The following INSR variants were observed in gnomAD, a reference collection of about 807,000 sequenced individuals.
The protein encoded by INSR is IR.
Under a neutral mutation model 142.6 loss-of-function variants are expected in INSR, and 67 were observed. That is an observed-to-expected ratio of 0.47 (90% CI 0.39 to 0.58). INSR has a LOEUF of 0.58. Ranked by LOEUF, INSR falls within the 20% of genes least tolerant of loss-of-function variation. The probability of loss-of-function intolerance (pLI) is 0.00; values close to 1 mark genes in which losing one functional copy is unlikely to be tolerated. For synonymous variants in INSR, 756 were observed against 743.1 expected (o/e 1.02, Z -0.28); for missense variants, 1,248 against 1,833.2 (o/e 0.68, Z 5.83).
At position 7,294,144 on chromosome 19, in the gene INSR, G is replaced by T. The variant is rs988779691; in HGVS notation, c.-253C>A. The T allele has an allele frequency of 1.4e-3, 261 of 187,572 alleles. 1 individual carries two copies. Among genetic ancestry groups the T allele is most frequent in the African/African-American group, 6.0e-3 (253 of 42,382 alleles). The allele number at this position is 187,572 out of a possible 1,614,324, so 11.6% of individuals were successfully genotyped here. ...GTGGCCCCGACCCCCCGGCCGCTGC[G>T]GCCCGGGCCCCGTCCCAGGATCTCG... On this transcript the variant is annotated 5_prime_UTR_variant, in exon 1 of 22. Transcript: ENST00000302850.
chr19:7,194,488 G>A (rs1167777462), intron 2 of INSR, among the ~76,000 whole-genome samples: 1 of 147,478 alleles, frequency 6.8e-6, no homozygotes, highest in Non-Finnish European at 1.5e-5. Flanking sequence ...AGTGTGGAGT[G>A]TGTTTTAATA....
At chr19:7,148,944 G>A (rs1161899016) in intron 11 of INSR, among the ~76,000 whole-genome samples, 4 of 149,996 alleles carry the variant, frequency 2.7e-5, no homozygotes, top group African/African-American at 4.9e-5. Flanking sequence ...ACAGGCGTGT[G>A]TCACCACGCC....
In INSR at chr19:7,129,025, T is replaced by A. The variant is rs1420173591; in HGVS notation, c.2843-71A>T. 3.1e-6 allele frequency: 4 copies of A among 1,269,976 alleles called. No homozygotes were observed. In the East Asian group the frequency reaches 7.0e-5, roughly 22 times the overall value. The allele number at this position is 1,269,976 out of a possible 1,614,324, so 78.7% of individuals were successfully genotyped here. ...AACAAAGTTCACATCAAAAATCACA[T>A]CCACTCCTGGAATGGGTGGGCCACC... On this transcript the variant is annotated intron_variant, in intron 14 of 21. Coordinates refer to ENST00000302850, the MANE Select transcript of INSR (RefSeq NM_000208.4).
At chr19:7,162,052 C>A (rs965378960) in intron 9 of INSR, among the ~76,000 whole-genome samples, 1 of 151,826 alleles carries the variant, frequency 6.6e-6, no homozygotes, top group African/African-American at 2.4e-5. Flanking sequence ...CAGGGCCAGG[C>A]GTGGTGGCTC....
At chr19:7,204,135 C>T (rs948001822) in intron 2 of INSR, among the ~76,000 whole-genome samples, 3 of 151,892 alleles carry the variant, frequency 2.0e-5, no homozygotes, top group Non-Finnish European at 4.4e-5. Context: ...CTCTGCCTCC[C>T]GGGTTCAAGC....
At chr19:7,180,824 T>C (rs993949671) in intron 3 of INSR, among the ~76,000 whole-genome samples, 1 of 152,058 alleles carries the variant, frequency 6.6e-6, no homozygotes, top group East Asian at 1.9e-4. Flanking sequence ...GGCACCGGAA[T>C]GAAATGAGAA....
In INSR at chr19:7,276,288, G is replaced by A. The variant is rs546548120; in HGVS notation, c.101-8392C>T. 2.0e-5 allele frequency among the ~76,000 whole-genome samples: 3 copies of A among 152,046 alleles called. No homozygotes were observed. The East Asian group carries it at 5.8e-4, about 29-fold the overall frequency. Reference sequence around the variant, plus strand: ...AGCCTCCCAAGTAGCTGGGACTACAGCTGCGTACCACCATGCCTGGCTAAT... The same window carrying A: ...AGCCTCCCAAGTAGCTGGGACTACAACTGCGTACCACCATGCCTGGCTAAT... On this transcript the variant is annotated intron_variant, in intron 1 of 21. Transcript: ENST00000302850.
chr19:7,281,585 G>A (rs2145237915), intron 1 of INSR, among the ~76,000 whole-genome samples: 1 of 152,164 alleles, frequency 6.6e-6, no homozygotes, highest in Non-Finnish European at 1.5e-5. Flanking sequence ...GGAGGAGGAA[G>A]CGCGAGAATC....
chr19:7,248,916 C>T (rs543088016), intron 2 of INSR, among the ~76,000 whole-genome samples: 11 of 152,028 alleles, frequency 7.2e-5, no homozygotes, highest in African/African-American at 1.7e-4. Context: ...TGCGCCACCA[C>T]GCCCAGCTAA....
At chr19:7,139,488 T>C (rs982383827) in intron 13 of INSR, among the ~76,000 whole-genome samples, 2 of 152,190 alleles carry the variant, frequency 1.3e-5, no homozygotes, top group African/African-American at 4.8e-5. Flanking sequence ...CCAAAGGCTA[T>C]TGTGGACAGA....
chr19:7,293,888 C>T lies in INSR; in HGVS notation c.4G>A (p.Ala2Thr). 3.3e-6 allele frequency: 4 copies of T among 1,220,592 alleles called. No individual in the cohort carries two copies. Among genetic ancestry groups the T allele is most frequent in the Non-Finnish European group, 4.1e-6 (4 of 985,760 alleles). 75.6% of individuals were successfully genotyped at this position (1,220,592 alleles called of 1,614,324 possible). MATGGRRGAAAA... is the reference protein window; with the variant it reads MTTGGRRGAAAA... Reference sequence around the variant, plus strand: ...GCCGCCCCCCGCCGGCCCCCGGTGGCCATGGCTGCGGGAGCGCGGGGTCTC... The same window carrying T: ...GCCGCCCCCCGCCGGCCCCCGGTGGTCATGGCTGCGGGAGCGCGGGGTCTC... Residue 2 changes from alanine to threonine, a missense_variant, in exon 1 of 22, where the codon GCC (alanine) becomes ACC (threonine). Transcript: ENST00000302850.
chr19:7,142,557 T>A (rs1973096543), intron 12 of INSR, among the ~76,000 whole-genome samples: 1 of 151,814 alleles, frequency 6.6e-6, no homozygotes. Flanking sequence ...TAGCTGGGCG[T>A]GGTGGCAGAC....
rs140781343 is a variant in INSR at position 7,124,735 on chromosome 19, C to T, written c.3258+548G>A. 6.3e-3 allele frequency among the ~76,000 whole-genome samples: 933 copies of T among 147,632 alleles called. 11 individuals are homozygous for T. The highest frequency in any genetic ancestry group is 0.022 in the African/African-American group (882 of 40,008). On this transcript the variant is annotated intron_variant, in intron 17 of 21. Transcript: ENST00000302850. ...ATCCACTGTATCACAGGGACAAGAG[C>T]AGGGCTTTAAATGCCCCATAAATAT...
intron 2 of INSR, among the ~76,000 whole-genome samples, chr19:7,209,491 C>G (rs1029184402): frequency 3.3e-5 from 5 of 152,136 alleles, no homozygotes; most frequent in African/African-American, 1.2e-4. Context: ...TATCACAGCT[C>G]TCTGCAGCCT....
At chr19:7,152,392 AAAG>A in intron 10 of INSR, 1 of 302,884 alleles carries the variant, frequency 3.3e-6, no homozygotes, top group Non-Finnish European at 6.3e-6. Context: ...AAAAAAAAAA[AAAG>A]AGAGAGAGAG....
chr19:7,292,854 A>G (rs1968533046), intron 1 of INSR, among the ~76,000 whole-genome samples: 1 of 152,082 alleles, frequency 6.6e-6, no homozygotes, highest in Non-Finnish European at 1.5e-5. Flanking sequence ...GGCTCACTCA[A>G]GGTCAAAGGC....
intron 1 of INSR, chr19:7,268,748 C>G (rs1967816971): frequency 6.6e-6 from 2 of 304,532 alleles, no homozygotes; most frequent in Non-Finnish European, 9.6e-6. Flanking sequence ...TGTTGTTGTT[C>G]TTCTTGCTGT....
chr19:7,243,248 T>TG (rs1189299830), intron 2 of INSR, among the ~76,000 whole-genome samples: 20 of 133,338 alleles, frequency 1.5e-4, no homozygotes, highest in African/African-American at 4.6e-4. Flanking sequence ...TTTTTTTTTT[T>TG]TTTTTTTTTT....
In INSR at chr19:7,267,861, T is replaced by C. The variant is rs780532714; in HGVS notation, c.136A>G (p.Arg46Gly). ...PGMDIRNNLT[R>G]LHELENCSVI... The stretch of plus-strand genomic sequence containing the variant: ...GAGCAATTCTCCAGCTCATGCAACC[T>C]AGTGAGGTTGTTCCGGATATCCATG... Residue 46 changes from arginine to glycine, a missense_variant, in exon 2 of 22, where the codon AGG becomes GGG. By Grantham distance (125) the Arg-to-Gly change is moderately radical. Around this residue, in one of 3 missense-constraint regions of INSR, gnomAD observed 1,069 missense variants for 1,654.0 expected, o/e 0.65. Transcript: ENST00000302850. This position sits in a 1 kb window ranked among gnomAD's most constrained non-coding sequence, Gnocchi z 6.3. The C allele has an allele frequency of 4.3e-6, 7 of 1,613,994 alleles. No homozygotes were observed. Among genetic ancestry groups the C allele is most frequent in the Non-Finnish European group, 5.1e-6 (6 of 1,179,996 alleles).
Sources: gnomAD v4.1 joint callset for allele counts (sites outside exome capture counted in the v4.1 genomes callset) on GRCh38, gnomAD v4.1.1 for gene constraint, gnomAD v4.1.1 regional missense constraint, Gnocchi (gnomAD v3.1) non-coding constraint, MANE v1.5 for transcripts, NCBI Gene and HGNC (gene_info 2026-07-23, HGNC 2026-07-21) for gene names.